Variants in ANKIB1 observed in about 807,000 individuals in gnomAD.
ANKIB1 encodes the protein ankyrin repeat and IBR domain containing 1, also known as ankyrin repeat and IBR domain-containing protein 1.
In ANKIB1, 43 loss-of-function variants were observed where a neutral mutation model predicts 122.1. The ratio of observed to expected loss-of-function variants is 0.35; its 90% confidence interval spans 0.28 to 0.45. The LOEUF (loss-of-function observed/expected upper bound fraction) is 0.45, where lower values mean the gene tolerates loss of function less well. Among genes scored for constraint, ANKIB1 ranks in the 20% least tolerant of loss-of-function variants. The pLI is 1.00. For missense variants in ANKIB1, 992 were observed against 1,329.5 expected (o/e 0.75, Z 3.95); for synonymous variants, 390 against 442.0 (o/e 0.88, Z 1.48).
Position 92,398,916 on chromosome 7 carries a change from A to G in ANKIB1, c.3237A>G (p.Ser1079=), listed in dbSNP as rs779158592. The change falls in exon 20 of 20, where the codon TCA becomes TCG. Residue 1079 remains serine (S), a synonymous_variant. Transcript: ENST00000265742. ...SDVSSQTPQT[S]SDWLEQVHLV is the part of the protein sequence containing the mutation. ...TTTCAAGTCAAACACCTCAAACCTC[A>G]AGTGACTGGCTTGAACAAGTACATT... 2 of 1,594,312 alleles carry G rather than the reference A, an allele frequency of 1.3e-6. No homozygotes were observed. Among genetic ancestry groups the G allele is most frequent in the East Asian group, 4.5e-5 (2 of 44,596 alleles).
At chr7:92,384,356 G>A (rs1804585957) in intron 11 of ANKIB1, among the ~76,000 whole-genome samples, 1 of 152,132 alleles carries the variant, frequency 6.6e-6, no homozygotes, top group East Asian at 1.9e-4. Context: ...AGCTACCAAT[G>A]ACTTTCTTTA....
At chr7:92,290,147 A>G (rs1375308559) in intron 1 of ANKIB1, among the ~76,000 whole-genome samples, 1 of 152,216 alleles carries the variant, frequency 6.6e-6, no homozygotes, top group Non-Finnish European at 1.5e-5. Flanking sequence ...GTATTATTAC[A>G]GTAACCACTA....
At chr7:92,272,320 A>G (rs752263513) in intron 1 of ANKIB1, among the ~76,000 whole-genome samples, 2 of 152,204 alleles carry the variant, frequency 1.3e-5, no homozygotes, top group Non-Finnish European at 2.9e-5. Context: ...ATTTAAATGT[A>G]TTGGGAATTA....
chr7:92,352,465 T>C lies in ANKIB1; in HGVS notation c.1231-11T>C. On this transcript the variant is annotated splice_polypyrimidine_tract_variant and intron_variant, in intron 8 of 19. Transcript: ENST00000265742. ...ATTTTCTTTTGTGTTTTGTTATTGC[T>C]GTTTAAACAGGCCTTTGTTGAAAAT... The C allele has an allele frequency of 6.2e-7, 1 of 1,612,626 alleles. No homozygotes were observed. Among genetic ancestry groups the C allele is most frequent in the Non-Finnish European group, 8.5e-7 (1 of 1,179,514 alleles).
chr7:92,268,517 G>A (rs779944245), intron 1 of ANKIB1, among the ~76,000 whole-genome samples: 24 of 152,086 alleles, frequency 1.6e-4, no homozygotes, highest in Non-Finnish European at 3.1e-4. Flanking sequence ...CCACTCTGTC[G>A]CCCAGGCTGG....
chr7:92,388,527 G>A (rs1414569280), intron 14 of ANKIB1, among the ~76,000 whole-genome samples: 5 of 152,254 alleles, frequency 3.3e-5, no homozygotes, highest in East Asian at 3.8e-4. Context: ...GTCAAAAAGC[G>A]AAGCCATGAG....
At chr7:92,332,533 T>G (rs1803192859) in intron 5 of ANKIB1, among the ~76,000 whole-genome samples, 1 of 152,188 alleles carries the variant, frequency 6.6e-6, no homozygotes, top group Non-Finnish European at 1.5e-5. Context: ...AATACAAAGG[T>G]CATTTTCTGA....
chr7:92,287,451 A>T (rs1802153847), intron 1 of ANKIB1, among the ~76,000 whole-genome samples: 1 of 152,128 alleles, frequency 6.6e-6, no homozygotes, highest in African/African-American at 2.4e-5. Context: ...GTTGATATAA[A>T]TTTTTTCACA....
intron 5 of ANKIB1, among the ~76,000 whole-genome samples, chr7:92,331,315 T>A (rs183066547): frequency 1.3e-5 from 2 of 151,172 alleles, no homozygotes; most frequent in Non-Finnish European, 2.9e-5. Context: ...CAACCCAGGC[T>A]GGAGTGCAGT....
At chr7:92,270,063 A>T (rs1357465218) in intron 1 of ANKIB1, among the ~76,000 whole-genome samples, 1 of 138,462 alleles carries the variant, frequency 7.2e-6, no homozygotes, top group Non-Finnish European at 1.5e-5. Flanking sequence ...CTGGTCTTTT[A>T]AAAAAAATTT....
chr7:92,299,232 TTGA>T (rs1802414109), intron 2 of ANKIB1, among the ~76,000 whole-genome samples: 1 of 152,200 alleles, frequency 6.6e-6, no homozygotes, highest in Non-Finnish European at 1.5e-5. Context: ...TCTGATAAGA[TTGA>T]TGATGATAGC....
intron 9 of ANKIB1, among the ~76,000 whole-genome samples, chr7:92,353,381 A>G (rs538899967): frequency 1.3e-5 from 2 of 152,200 alleles, no homozygotes; most frequent in Non-Finnish European, 2.9e-5. Context: ...TTTTGACTAT[A>G]TATGTGTCAG....
chr7:92,323,777 C>T (rs1430177446), intron 4 of ANKIB1, among the ~76,000 whole-genome samples: 1 of 152,128 alleles, frequency 6.6e-6, no homozygotes, highest in Non-Finnish European at 1.5e-5. Flanking sequence ...AAGGAATGAA[C>T]TACTAATACA....
intron 2 of ANKIB1, among the ~76,000 whole-genome samples, chr7:92,297,015 A>G (rs1003469389): frequency 1.4e-4 from 21 of 152,212 alleles, no homozygotes; most frequent in African/African-American, 4.8e-4. Context: ...GGTCTTCCAC[A>G]TGTTAATGAC....
rs2131935471 is a variant in ANKIB1 at position 92,307,581 on chromosome 7, T to A, written c.411T>A (p.Ala137=). The change falls in exon 3 of 20, where the codon GCT becomes GCA. Residue 137 remains alanine (A), a synonymous_variant. Transcript: ENST00000265742. ...KLDQGEYERA[A]IDAVDNKKNT... ...ACCAGGGTGAATATGAGAGAGCAGC[T>A]ATTGATGCTGTTGATAACAAAAAAA... 6.2e-7 allele frequency: 1 copy of A among 1,613,644 alleles called. No homozygotes were observed. Among genetic ancestry groups the A allele is most frequent in the East Asian group, 2.2e-5 (1 of 44,864 alleles).
chr7:92,374,007 A>G (rs1199986153), intron 11 of ANKIB1, among the ~76,000 whole-genome samples: 2 of 152,192 alleles, frequency 1.3e-5, no homozygotes, highest in East Asian at 3.8e-4. Context: ...TTACTAAGGT[A>G]TATCTGTTCA....
intron 11 of ANKIB1, among the ~76,000 whole-genome samples, chr7:92,374,823 A>G (rs900997992): frequency 1.3e-5 from 2 of 152,086 alleles, no homozygotes; most frequent in African/African-American, 2.4e-5. Flanking sequence ...AATAAATCCA[A>G]AAAGTGATTT....
chr7:92,263,061 T>TA (rs779199525), intron 1 of ANKIB1, among the ~76,000 whole-genome samples: 1 of 152,178 alleles, frequency 6.6e-6, no homozygotes, highest in Non-Finnish European at 1.5e-5. Context: ...CAATATACTA[T>TA]AAGGTCTTTC....
At chr7:92,278,837 C>T (rs999716905) in intron 1 of ANKIB1, among the ~76,000 whole-genome samples, 4 of 152,132 alleles carry the variant, frequency 2.6e-5, no homozygotes, top group Admixed American at 6.5e-5. Context: ...AACTGTCCCA[C>T]TAAGATGTGT....
Sources: gnomAD v4.1 joint callset for allele counts (sites outside exome capture counted in the v4.1 genomes callset) on GRCh38, gnomAD v4.1.1 for gene constraint, MANE v1.5 for transcripts, NCBI Gene and HGNC (gene_info 2026-07-23, HGNC 2026-07-21) for gene names.